The following XKR6 variants were observed in gnomAD, a reference collection of about 807,000 sequenced individuals.
XKR6 encodes XK related 6.
XKR6 carries 22 observed loss-of-function variants against 56.7 expected under a neutral mutation model. The observed-to-expected ratio is 0.39, with a 90% CI of 0.28 to 0.55. XKR6 has a LOEUF of 0.55. Among genes scored for constraint, XKR6 ranks in the 20% least tolerant of loss-of-function variants. The pLI is 0.66. For missense variants in XKR6, 852 were observed against 889.0 expected (o/e 0.96, Z 0.53); for synonymous variants, 524 against 387.8 (o/e 1.35, Z -4.13).
intron 1 of XKR6, among the ~76,000 whole-genome samples, chr8:11,112,251 T>C (rs976177654): frequency 1.3e-4 from 20 of 152,218 alleles, no homozygotes; most frequent in African/African-American, 4.1e-4. Context: ...ACTAAAATTA[T>C]AGATTTTGTT....
chr8:10,998,129 G>T (rs191943836), intron 1 of XKR6, among the ~76,000 whole-genome samples: 2 of 151,920 alleles, frequency 1.3e-5, no homozygotes, highest in Non-Finnish European at 2.9e-5. Flanking sequence ...TCTAAGATTC[G>T]CCAGCTTCCC....
At chr8:11,073,696 C>A (rs1341770546) in intron 1 of XKR6, among the ~76,000 whole-genome samples, 1 of 152,198 alleles carries the variant, frequency 6.6e-6, no homozygotes, top group Non-Finnish European at 1.5e-5. Context: ...ACCTGCACTG[C>A]ACGTAGTTCA....
At chr8:10,975,031 T>G (rs529188591) in intron 1 of XKR6, among the ~76,000 whole-genome samples, 1 of 152,328 alleles carries the variant, frequency 6.6e-6, no homozygotes, top group South Asian at 2.1e-4. Context: ...ATCCCACCTC[T>G]GCCCCTTGCT....
chr8:11,174,591 T>C (rs933361280), intron 1 of XKR6, among the ~76,000 whole-genome samples: 4 of 152,228 alleles, frequency 2.6e-5, no homozygotes, highest in Non-Finnish European at 2.9e-5. Flanking sequence ...AAGATTATTA[T>C]AATTAGACAT....
At chr8:11,008,152 G>C (rs979323812) in intron 1 of XKR6, among the ~76,000 whole-genome samples, 4 of 152,198 alleles carry the variant, frequency 2.6e-5, no homozygotes, top group African/African-American at 9.7e-5. Flanking sequence ...GCCCTGTCCT[G>C]CTCAAATACC....
chr8:11,186,031 G>A (rs576050513), intron 1 of XKR6, among the ~76,000 whole-genome samples: 6 of 152,292 alleles, frequency 3.9e-5, no homozygotes, highest in South Asian at 4.1e-4. Context: ...GAGGCCTTCT[G>A]TGGCTACACA....
chr8:11,101,829 A>C (rs778758931), intron 1 of XKR6, among the ~76,000 whole-genome samples: 4 of 152,096 alleles, frequency 2.6e-5, no homozygotes, highest in African/African-American at 4.8e-5. Context: ...GTGTCCTCCT[A>C]AGCCCTTTAG....
chr8:10,902,246 G>A (rs564842329), intron 2 of XKR6, among the ~76,000 whole-genome samples: 2 of 152,246 alleles, frequency 1.3e-5, no homozygotes, highest in African/African-American at 4.8e-5. Flanking sequence ...TCTGACTGGG[G>A]AGTCTGCTGG....
chr8:10,933,211 G>A (rs1369699058), intron 1 of XKR6, among the ~76,000 whole-genome samples: 2 of 113,030 alleles, frequency 1.8e-5, no homozygotes, highest in East Asian at 3.9e-4. Context: ...AGAAGTGTCT[G>A]TTCATGTCCC....
intron 1 of XKR6, among the ~76,000 whole-genome samples, chr8:11,147,638 G>C (rs1156793904): frequency 7.0e-6 from 1 of 143,848 alleles, no homozygotes; most frequent in Non-Finnish European, 1.5e-5. Context: ...CCTTGTGACA[G>C]AGCGAGACTC....
intron 1 of XKR6, chr8:11,124,260 C>T (rs1799639716): frequency 2.9e-6 from 1 of 345,808 alleles, no homozygotes; most frequent in Non-Finnish European, 5.7e-6. Flanking sequence ...TGAAACCCCT[C>T]TGTTAGGCAA....
At chr8:11,108,538 G>C (rs1342767898) in intron 1 of XKR6, 1 of 359,860 alleles carries the variant, frequency 2.8e-6, no homozygotes, top group Non-Finnish European at 5.4e-6. Flanking sequence ...TTGCCTAGGA[G>C]GACTGTGGCT....
Position 10,930,413 on chromosome 8 carries a change from A to C in XKR6, c.765-5583T>G, listed in dbSNP as rs181923530. ...CAACTGTACACAATCTTTTCCAGAA[A>C]ATAAAAAAGGAAGAAACACTTCCCT... On this transcript the variant is annotated intron_variant, in intron 1 of 2. Transcript: ENST00000416569. Among the ~76,000 whole-genome samples, 83 of 152,358 alleles carry C rather than the reference A, an allele frequency of 5.4e-4. 1 individual carries two copies. Among genetic ancestry groups the C allele is most frequent in the African/African-American group, 1.9e-3 (79 of 41,578 alleles).
chr8:11,002,391 G>A (rs57406643), intron 1 of XKR6: 9,847 of 368,268 alleles, frequency 0.027, 889 homozygotes, highest in African/African-American at 0.19. Flanking sequence ...CACTCACCCA[G>A]CAGTTCTGTT....
At chr8:11,132,267 C>T (rs1800140652) in intron 1 of XKR6, among the ~76,000 whole-genome samples, 1 of 152,158 alleles carries the variant, frequency 6.6e-6, no homozygotes, top group Admixed American at 6.5e-5. Context: ...ACAGGTGGTA[C>T]TTACAGAGCT....
chr8:11,011,671 G>C (rs916894354), intron 1 of XKR6, among the ~76,000 whole-genome samples: 4 of 152,190 alleles, frequency 2.6e-5, no homozygotes, highest in African/African-American at 9.7e-5. Flanking sequence ...ATAGAGCAGG[G>C]AAAGGGACAG....
intron 1 of XKR6, among the ~76,000 whole-genome samples, chr8:11,095,459 T>C (rs1458075657): frequency 6.6e-6 from 1 of 152,210 alleles, no homozygotes; most frequent in Non-Finnish European, 1.5e-5. Flanking sequence ...GTCAAATAGG[T>C]AACACTGACT....
intron 1 of XKR6, among the ~76,000 whole-genome samples, chr8:10,938,058 G>A (rs893127422): frequency 2.0e-5 from 3 of 152,190 alleles, no homozygotes; most frequent in Non-Finnish European, 4.4e-5. Flanking sequence ...GCGAGACTCC[G>A]TGGGCGTAGG....
intron 1 of XKR6, among the ~76,000 whole-genome samples, chr8:10,996,645 G>T (rs909194739): frequency 2.0e-5 from 3 of 152,204 alleles, no homozygotes; most frequent in Non-Finnish European, 2.9e-5. Flanking sequence ...GCAGGGGTAA[G>T]GGATGGGTGT....
Sources: allele counts gnomAD v4.1 joint callset (sites outside exome capture counted in the v4.1 genomes callset), GRCh38; gene constraint gnomAD v4.1.1; transcripts MANE v1.5; gene names NCBI Gene and HGNC (gene_info 2026-07-23, HGNC 2026-07-21).